N4BP2L2: variants seen among roughly 807,000 people sequenced by gnomAD.
N4BP2L2 encodes NEDD4 binding protein 2 like 2.
Under a neutral mutation model 56.2 loss-of-function variants are expected in N4BP2L2, and 50 were observed. The observed-to-expected ratio is 0.89, with a 90% CI of 0.71 to 1.13. The LOEUF is 1.13. Ranked by LOEUF, N4BP2L2 falls within the 50% of genes most tolerant of loss-of-function variation. The pLI, the probability that N4BP2L2 is intolerant of heterozygous loss-of-function variation, is 0.00. For synonymous variants in N4BP2L2, 203 were observed against 223.6 expected (o/e 0.91, Z 0.82); for missense variants, 689 against 693.8 (o/e 0.99, Z 0.08).
At chr13:32,535,157 A>G (rs2056210171) in intron 2 of N4BP2L2, among the ~76,000 whole-genome samples, 1 of 152,228 alleles carries the variant, frequency 6.6e-6, no homozygotes, top group Admixed American at 6.5e-5. Flanking sequence ...AGTAAGTATC[A>G]TTTATTCCAT....
intron 6 of N4BP2L2, among the ~76,000 whole-genome samples, chr13:32,486,044 T>C (rs2085778150): frequency 6.6e-6 from 1 of 152,196 alleles, no homozygotes; most frequent in Admixed American, 6.6e-5. Context: ...CACTCCAGCC[T>C]GGCGAACAGA....
intron 2 of N4BP2L2, among the ~76,000 whole-genome samples, chr13:32,532,885 C>T (rs1306873602): frequency 7.1e-5 from 8 of 111,998 alleles, no homozygotes; most frequent in Admixed American, 3.6e-4. Flanking sequence ...CACCGGCACC[C>T]GGCCTTTTTT....
Position 32,443,448 on chromosome 13 carries a change from CCA to C in N4BP2L2, c.1042_1043del (p.Trp348GlyfsTer9). 6.2e-7 allele frequency: 1 copy of C among 1,613,884 alleles called. No homozygotes were observed. Among genetic ancestry groups the C allele is most frequent in the Non-Finnish European group, 8.5e-7 (1 of 1,179,858 alleles). On this transcript the variant is annotated frameshift_variant, in exon 7 of 10. Transcript: ENST00000357505. LOFTEE classifies it high-confidence loss of function. Reference sequence around the variant, plus strand: ...CAGATAAATTGGTTGTGAAAAAAGCCCAGTGATTGATTTTAGTTGTATACACT... The same window carrying C: ...CAGATAAATTGGTTGTGAAAAAAGCCGTGATTGATTTTAGTTGTATACACT...
chr13:32,477,770 T>G, intron 6 of N4BP2L2: 1 of 827,104 alleles, frequency 1.2e-6, no homozygotes, highest in South Asian at 1.6e-5. Context: ...TCTGTTCCAA[T>G]TGGGCCTGAC....
At chr13:32,467,475 G>A (rs555357192) in intron 6 of N4BP2L2, among the ~76,000 whole-genome samples, 34 of 151,016 alleles carry the variant, frequency 2.3e-4, no homozygotes, top group African/African-American at 7.3e-4. Context: ...TTAGGGTTTC[G>A]CTATGTTGGC....
At chr13:32,509,693 T>A (rs138815389), downstream of N4BP2L2, among the ~76,000 whole-genome samples, 1,527 of 152,300 alleles carry the variant, frequency 0.01, 11 homozygotes, top group African/African-American at 0.026. Context: ...AAGGGTTACA[T>A]TGAACTATAT....
intron 6 of N4BP2L2, among the ~76,000 whole-genome samples, chr13:32,472,791 T>C (rs75855436): frequency 0.013 from 2,027 of 152,222 alleles, 39 homozygotes; most frequent in African/African-American, 0.045. Context: ...CTGGCAGACA[T>C]CCCTCCTGCT....
chr13:32,471,591 C>T (rs967041894), intron 6 of N4BP2L2, among the ~76,000 whole-genome samples: 1 of 152,174 alleles, frequency 6.6e-6, no homozygotes, highest in African/African-American at 2.4e-5. Flanking sequence ...CGTCTTGCAC[C>T]CAGAGAAAGA....
In N4BP2L2 at chr13:32,475,129, T is replaced by C. The variant is rs1276201887; in HGVS notation, c.366-31003A>G. Among the ~76,000 whole-genome samples the C allele has an allele frequency of 8.5e-5, 13 of 152,364 alleles. No homozygotes were observed. In the South Asian group the frequency reaches 2.1e-3, roughly 24 times the overall value. On this transcript the variant is annotated intron_variant, in intron 6 of 9. Coordinates refer to the N4BP2L2 transcript ENST00000357505. ...TCAAAAGTGCTGAGAATCAGCACTA[T>C]AGATAAATGCCCTCAGTCTGTTCTT...
At chr13:32,517,646 A>C (rs1214815382) in exon 6 of N4BP2L2, 3 of 1,409,686 alleles carry the variant, frequency 2.1e-6, no homozygotes, top group Non-Finnish European at 2.8e-6. Flanking sequence ...TTTTATTTAC[A>C]CTTTAACAAC....
At chr13:32,528,384 C>T (rs1230353209) in intron 2 of N4BP2L2, among the ~76,000 whole-genome samples, 2 of 152,122 alleles carry the variant, frequency 1.3e-5, no homozygotes, top group Non-Finnish European at 2.9e-5. Flanking sequence ...TATAATCAAA[C>T]TTTAAATTTT....
At chr13:32,503,917 G>A (rs1593922977) in intron 6 of N4BP2L2, among the ~76,000 whole-genome samples, 1 of 152,248 alleles carries the variant, frequency 6.6e-6, no homozygotes, top group East Asian at 1.9e-4. Context: ...GATTGCTTGA[G>A]CCCAGGAGTT....
At chr13:32,460,500 T>A (rs2079842727) in intron 6 of N4BP2L2, among the ~76,000 whole-genome samples, 6 of 152,134 alleles carry the variant, frequency 3.9e-5, no homozygotes, top group Admixed American at 3.3e-4. Context: ...GGTATTGCTA[T>A]ATACAACAGT....
At chr13:32,522,389 T>A in intron 3 of N4BP2L2, 119 bp from the exon 4 acceptor site, 1 of 548,926 alleles carries the variant, frequency 1.8e-6, no homozygotes, top group Non-Finnish European at 3.0e-6. Context: ...AACTGTGCAA[T>A]CTCTTCAGTC....
At chr13:32,500,552 A>G (rs1162382969) in intron 6 of N4BP2L2, among the ~76,000 whole-genome samples, 4 of 144,774 alleles carry the variant, frequency 2.8e-5, no homozygotes, top group Non-Finnish European at 6.0e-5. Context: ...TCTACAAAAA[A>G]AAAAAAAAAA....
At chr13:32,488,720 TTC>T (rs895756328) in intron 6 of N4BP2L2, among the ~76,000 whole-genome samples, 2 of 152,182 alleles carry the variant, frequency 1.3e-5, no homozygotes, top group African/African-American at 4.8e-5. Context: ...AGGGGTTGGT[TTC>T]TTTGTGATTA....
intron 8 of N4BP2L2, chr13:32,436,503 C>T (rs2075486775): frequency 2.0e-6 from 1 of 508,684 alleles, no homozygotes; most frequent in Non-Finnish European, 3.4e-6. Flanking sequence ...CCTAAAATGA[C>T]AAAAGAAATA....
intron 6 of N4BP2L2, among the ~76,000 whole-genome samples, chr13:32,484,814 T>C (rs1222528072): frequency 1.3e-5 from 2 of 152,116 alleles, no homozygotes; most frequent in Non-Finnish European, 2.9e-5. Flanking sequence ...AGCTAGAAAA[T>C]ACAATCTTGC....
chr13:32,537,303 T>C (rs2056804754), intron 1 of N4BP2L2, among the ~76,000 whole-genome samples: 1 of 151,910 alleles, frequency 6.6e-6, no homozygotes, highest in Non-Finnish European at 1.5e-5. Flanking sequence ...AAACGATCCA[T>C]TTCTGAATTT....
Sources: allele counts gnomAD v4.1 joint callset (sites outside exome capture counted in the v4.1 genomes callset), GRCh38; gene constraint gnomAD v4.1.1; transcripts MANE v1.5; gene names NCBI Gene and HGNC (gene_info 2026-07-23, HGNC 2026-07-21).